Variants in TASP1 observed in about 807,000 individuals in gnomAD.
TASP1 encodes the protein taspase 1, also known as threonine aspartase 1.
Under a neutral mutation model 56.6 loss-of-function variants are expected in TASP1, and 16 were observed. The observed-to-expected ratio is 0.28, with a 90% CI of 0.19 to 0.43. TASP1 has a LOEUF of 0.43. Ranked by LOEUF, TASP1 falls within the 20% of genes least tolerant of loss-of-function variation. The pLI is 1.00. For missense variants in TASP1, 393 were observed against 511.6 expected, an observed-to-expected ratio of 0.77 and a Z score of 2.24; for synonymous variants, 179 against 184.2, an observed-to-expected ratio of 0.97 and a Z score of 0.23.
intron 13 of TASP1, among the ~76,000 whole-genome samples, chr20:13,406,527 C>T (rs1009988338): frequency 6.6e-6 from 1 of 152,142 alleles, no homozygotes; most frequent in Non-Finnish European, 1.5e-5. Flanking sequence ...TGGATGCCCT[C>T]TTTGTCTGTT....
intron 1 of TASP1, among the ~76,000 whole-genome samples, chr20:13,635,518 G>T (rs758988481): frequency 6.4e-4 from 98 of 151,978 alleles, no homozygotes; most frequent in Non-Finnish European, 1.1e-3. Flanking sequence ...CTCCTGAGTG[G>T]CCAGGACTAA....
intron 7 of TASP1, among the ~76,000 whole-genome samples, chr20:13,563,752 G>A (rs539280605): frequency 4.2e-4 from 62 of 149,384 alleles, no homozygotes; most frequent in East Asian, 3.9e-4. Flanking sequence ...TGATCCTCCC[G>A]CCTCAGCCTC....
the TASP1 span, among the ~76,000 whole-genome samples, chr20:13,140,716 G>C: frequency 6.6e-6 from 1 of 152,098 alleles, no homozygotes; most frequent in Non-Finnish European, 1.5e-5. Context: ...TGATTAAAAT[G>C]TCAAGGTCTT....
chr20:13,270,441 T>C, the TASP1 span: 27 of 1,539,604 alleles, frequency 1.8e-5, no homozygotes, highest in East Asian at 5.8e-4. Flanking sequence ...AATGGACTGT[T>C]AAGGGTGACA....
the TASP1 span, among the ~76,000 whole-genome samples, chr20:13,211,794 A>C: frequency 6.6e-6 from 1 of 152,214 alleles, no homozygotes; most frequent in African/African-American, 2.4e-5. Flanking sequence ...AAACAGGCCA[A>C]ATCCTACCCA....
chr20:13,232,182 T>C, the TASP1 span, among the ~76,000 whole-genome samples: 3,012 of 152,264 alleles, frequency 0.02, 44 homozygotes, highest in Non-Finnish European at 0.022. Context: ...TGAAGTGCAA[T>C]TGACAACTAA....
intron 11 of TASP1, among the ~76,000 whole-genome samples, chr20:13,469,934 G>A (rs962710355): frequency 6.0e-5 from 9 of 148,774 alleles, no homozygotes; most frequent in South Asian, 2.2e-4. Context: ...TCAGCCTCCC[G>A]AGTAGCAGGA....
At chr20:13,260,202 C>A in the TASP1 span, among the ~76,000 whole-genome samples, 1 of 152,194 alleles carries the variant, frequency 6.6e-6, no homozygotes, top group Non-Finnish European at 1.5e-5. Context: ...CACCTCTGGC[C>A]ATATGTGGCC....
intron 11 of TASP1, among the ~76,000 whole-genome samples, chr20:13,463,457 C>T (rs868348289): frequency 6.6e-6 from 1 of 152,000 alleles, no homozygotes; most frequent in South Asian, 2.1e-4. Context: ...TTGGATTTGG[C>T]AATGACTTTT....
chr20:13,505,341 A>G (rs1344480660), intron 10 of TASP1, among the ~76,000 whole-genome samples: 1 of 152,174 alleles, frequency 6.6e-6, no homozygotes, highest in African/African-American at 2.4e-5. Context: ...ACTTTCAACA[A>G]TGGATAGATT....
chr20:13,432,692 A>G (rs2146172386), intron 12 of TASP1, among the ~76,000 whole-genome samples: 1 of 152,324 alleles, frequency 6.6e-6, no homozygotes, highest in South Asian at 2.1e-4. Flanking sequence ...CTCTTGAAAT[A>G]AAGAGTAGGA....
chr20:13,115,967 C>G, the TASP1 span, among the ~76,000 whole-genome samples: 1 of 152,132 alleles, frequency 6.6e-6, no homozygotes, highest in Admixed American at 6.5e-5. Context: ...TCAATGGAAA[C>G]AATTTTAACA....
chr20:13,311,242 A>ATAGATAGAT, the TASP1 span, among the ~76,000 whole-genome samples: 14 of 98,152 alleles, frequency 1.4e-4, no homozygotes, highest in African/African-American at 5.4e-4. Flanking sequence ...AGATAGATAG[A>ATAGATAGAT]TGATAGATAG....
At chr20:13,448,888 AAAC>A (rs1405064822) in intron 11 of TASP1, among the ~76,000 whole-genome samples, 1 of 150,758 alleles carries the variant, frequency 6.6e-6, no homozygotes, top group East Asian at 1.9e-4. Context: ...ACCAACCAAC[AAAC>A]AAAAAAAACC....
chr20:13,191,708 T>A, the TASP1 span, among the ~76,000 whole-genome samples: 1 of 152,180 alleles, frequency 6.6e-6, no homozygotes, highest in African/African-American at 2.4e-5. Context: ...CAACAATTTA[T>A]TGTATATTTC....
At position 13,478,041 on chromosome 20, in the gene TASP1, G is replaced by A. The variant is rs566434220; in HGVS notation, c.985+5186C>T. Among the ~76,000 whole-genome samples the A allele has an allele frequency of 5.3e-5, 8 of 152,042 alleles. No homozygotes were observed. The East Asian group carries it at 1.5e-3, about 29-fold the overall frequency. On this transcript the variant is annotated intron_variant, in intron 11 of 13. Transcript: ENST00000337743. ...CAAACCCTACACTTAAGATGGTGGC[G>A]GAGTTTTTTCAAATTGCAGTAAGAG...
chr20:13,202,500 G>T, the TASP1 span, among the ~76,000 whole-genome samples: 6 of 152,158 alleles, frequency 3.9e-5, no homozygotes, highest in African/African-American at 1.2e-4. Context: ...TTAACATTCA[G>T]CTCTCACAAG....
intron 8 of TASP1, among the ~76,000 whole-genome samples, chr20:13,541,844 A>G (rs567585096): frequency 6.6e-6 from 1 of 152,154 alleles, no homozygotes; most frequent in East Asian, 1.9e-4. Flanking sequence ...GCAAACCTGC[A>G]TATAAATTAA....
At chr20:13,144,704 G>A in the TASP1 span, among the ~76,000 whole-genome samples, 1 of 152,152 alleles carries the variant, frequency 6.6e-6, no homozygotes, top group Admixed American at 6.5e-5. Context: ...TTTCTGAAAG[G>A]TCCAACCTAG....
Sources: gnomAD v4.1 joint callset for allele counts (sites outside exome capture counted in the v4.1 genomes callset) on GRCh38, gnomAD v4.1.1 for gene constraint, MANE v1.5 for transcripts, NCBI Gene and HGNC (gene_info 2026-07-23, HGNC 2026-07-21) for gene names.